The following GSDME variants were observed in gnomAD, a reference collection of about 807,000 sequenced individuals.
GSDME encodes gasdermin-E.
GSDME carries 44 observed loss-of-function variants against 47.5 expected under a neutral mutation model. The ratio of observed to expected loss-of-function variants is 0.93; its 90% CI spans 0.73 to 1.19. GSDME has a LOEUF of 1.19. GSDME is among the 50% of genes most tolerant of loss of function. The pLI is 0.00. For missense variants in GSDME, 663 were observed against 604.2 expected, an observed-to-expected ratio of 1.10 and a Z score of -1.02; for synonymous variants, 258 against 252.8, an observed-to-expected ratio of 1.02 and a Z score of -0.20.
Position 24,742,727 on chromosome 7 carries a change from A to G in GSDME, c.404+1835T>C, listed in dbSNP as rs950186943. ...GAGGGTTGGGTGAGACTGAGGGAGC[A>G]GAGAAGACGCTCTGGACACCCCCCG... On this transcript the variant is annotated intron_variant, in intron 3 of 9. Coordinates refer to ENST00000645220, the MANE Select transcript of GSDME (RefSeq NM_001127453.2). This position sits in a 1 kb window ranked among gnomAD's most constrained non-coding sequence, Gnocchi z 4.4. Among the ~76,000 whole-genome samples the G allele has an allele frequency of 6.6e-6, 1 of 152,212 alleles. No individual in the cohort carries two copies. The highest frequency in any genetic ancestry group is 1.5e-5 in the Non-Finnish European group (1 of 68,040).
chr7:24,751,491 A>G (rs1300998171), intron 1 of GSDME, among the ~76,000 whole-genome samples: 1 of 152,146 alleles, frequency 6.6e-6, no homozygotes, highest in Non-Finnish European at 1.5e-5. Flanking sequence ...ATGGGAAATC[A>G]TTTGTCTTAT....
Position 24,726,081 on chromosome 7 carries a change from T to C in GSDME, c.405-6863A>G, listed in dbSNP as rs530002151. Among the ~76,000 whole-genome samples, 103 of 152,240 alleles carry C rather than the reference T, an allele frequency of 6.8e-4. No individual in the cohort carries two copies. The South Asian group carries it at 0.011, about 17-fold the overall frequency. On this transcript the variant is annotated intron_variant, in intron 3 of 9. Coordinates refer to ENST00000645220, the MANE Select transcript of GSDME (RefSeq NM_001127453.2). The surrounding 1 kb of genome is among the most constrained non-coding windows in gnomAD (Gnocchi z 5.6). Reference sequence around the variant, plus strand: ...AAGCGTGGCTCAGAGCCCAGCGTGGTTGCTGGGGACCAGAGCAGCCCAGCA... The same window carrying C: ...AAGCGTGGCTCAGAGCCCAGCGTGGCTGCTGGGGACCAGAGCAGCCCAGCA...
At chr7:24,717,030 G>C in intron 5 of GSDME, 2 of 572,588 alleles carry the variant, frequency 3.5e-6, no homozygotes, top group East Asian at 6.3e-5. Context: ...ACCAATGTTG[G>C]AGGAGAGGGT....
chr7:24,736,910 A>G lies in GSDME; in HGVS notation c.404+7652T>C, dbSNP rs183158972. The stretch of plus-strand genomic sequence containing the variant: ...TGGAAATTAAACAACATGCTCCTGA[A>G]TGACCAGTGAGTCAATGACGACACT... On this transcript the variant is annotated intron_variant, in intron 3 of 9. Transcript: ENST00000645220. This position sits in a 1 kb window ranked among gnomAD's most constrained non-coding sequence, Gnocchi z 4.6. Among the ~76,000 whole-genome samples the G allele has an allele frequency of 1.3e-5, 2 of 152,354 alleles. No homozygotes were observed. The highest frequency in any genetic ancestry group is 3.9e-4 in the East Asian group (2 of 5,192).
Position 24,716,742 on chromosome 7 carries a change from G to A in GSDME, c.697+512C>T, listed in dbSNP as rs1021171995. The A allele has an allele frequency of 5.4e-6, 1 of 184,720 alleles. No individual in the cohort carries two copies. Among genetic ancestry groups the A allele is most frequent in the Admixed American group, 5.4e-5 (1 of 18,690 alleles). 11.4% of individuals were successfully genotyped at this position (184,720 alleles called of 1,614,324 possible). ...GTGGGGTAACAATAATGATGATAATGCTATTAATAGCAAAGGTGGAGGAAT... is the reference window on the plus strand; with the variant it reads ...GTGGGGTAACAATAATGATGATAATACTATTAATAGCAAAGGTGGAGGAAT... On this transcript the variant is annotated intron_variant, in intron 5 of 9. Transcript: ENST00000645220. The surrounding 1 kb of genome is among the most constrained non-coding windows in gnomAD (Gnocchi z 4.5).
At chr7:24,708,280 C>T in intron 6 of GSDME, 26 bp from the exon 7 acceptor site, 1 of 1,613,686 alleles carries the variant, frequency 6.2e-7, no homozygotes, top group South Asian at 1.1e-5. Flanking sequence ...ACACCCAAGT[C>T]TCATGACTGC....
intron 7 of GSDME, among the ~76,000 whole-genome samples, chr7:24,706,654 G>T (rs1789120238): frequency 6.6e-6 from 1 of 152,238 alleles, no homozygotes; most frequent in Non-Finnish European, 1.5e-5. Context: ...TAGTGCCAGG[G>T]ACCAGAAACA....
chr7:24,793,317 T>C, the GSDME span, among the ~76,000 whole-genome samples: 1 of 152,358 alleles, frequency 6.6e-6, no homozygotes, highest in Middle Eastern at 3.4e-3. Context: ...TACTTTAATG[T>C]CCAGTTCACA....
At chr7:24,791,341 C>T in the GSDME span, among the ~76,000 whole-genome samples, 2 of 152,202 alleles carry the variant, frequency 1.3e-5, no homozygotes, top group Non-Finnish European at 2.9e-5. The surrounding 1 kb of genome is among the most constrained non-coding windows in gnomAD (Gnocchi z 4.8). Context: ...GAGCTCTCCA[C>T]GTTTGGGCAT....
At chr7:24,761,317 A>C (rs148304366), upstream of GSDME, among the ~76,000 whole-genome samples, 38 of 152,354 alleles carry the variant, frequency 2.5e-4, no homozygotes, top group African/African-American at 8.9e-4. This position sits in a 1 kb window ranked among gnomAD's most constrained non-coding sequence, Gnocchi z 4.4. Flanking sequence ...AAACAACAGG[A>C]CTTTATTTCT....
the GSDME span, among the ~76,000 whole-genome samples, chr7:24,768,104 C>A: frequency 3.4e-3 from 524 of 152,264 alleles, 6 homozygotes; most frequent in African/African-American, 0.011. This position sits in a 1 kb window ranked among gnomAD's most constrained non-coding sequence, Gnocchi z 5.6. Context: ...CAGCACAGTC[C>A]CTCTACTTCT....
At chr7:24,748,521 A>G (rs1790751951) in intron 2 of GSDME, among the ~76,000 whole-genome samples, 1 of 152,188 alleles carries the variant, frequency 6.6e-6, no homozygotes, top group African/African-American at 2.4e-5. Flanking sequence ...CTACAAACCA[A>G]GTGTCAACGG....
intron 8 of GSDME, chr7:24,704,272 AG>A (rs1427070161): frequency 2.0e-5 from 3 of 152,226 alleles, no homozygotes; most frequent in African/African-American, 7.2e-5. Context: ...GAGTCCAAGG[AG>A]TTGAGACCTT....
chr7:24,777,211 A>C, the GSDME span, among the ~76,000 whole-genome samples: 8 of 152,314 alleles, frequency 5.3e-5, no homozygotes, highest in Non-Finnish European at 1.0e-4. Context: ...AAATGGGAGA[A>C]GTATTTTAAT....
Position 24,744,792 on chromosome 7 carries a change from A to C in GSDME, c.212-38T>G. ...AGACGAGCAGAGGAAGCCGATGATG[A>C]TAAGGCCACCAAGATGTCTTGGGTC... On this transcript the variant is annotated intron_variant, in intron 2 of 9. Transcript: ENST00000645220. This position sits in a 1 kb window ranked among gnomAD's most constrained non-coding sequence, Gnocchi z 4.5. 8.1e-6 allele frequency: 13 copies of C among 1,608,628 alleles called. No individual in the cohort carries two copies. The highest frequency in any genetic ancestry group is 1.1e-5 in the Non-Finnish European group (13 of 1,176,146).
Position 24,721,901 on chromosome 7 carries a change from C to T in GSDME, c.405-2683G>A, listed in dbSNP as rs1789803105. Among the ~76,000 whole-genome samples the T allele has an allele frequency of 6.6e-6, 1 of 152,170 alleles. No individual in the cohort carries two copies. The highest frequency in any genetic ancestry group is 1.5e-5 in the Non-Finnish European group (1 of 68,034). ...TGCCAGGTGTGTGCCTACCCCGAGG[C>T]GTTGGCACACATTCCCTGATGGCCA... On this transcript the variant is annotated intron_variant, in intron 3 of 9. Transcript: ENST00000645220. The surrounding 1 kb of genome is among the most constrained non-coding windows in gnomAD (Gnocchi z 4.1).
the GSDME span, among the ~76,000 whole-genome samples, chr7:24,780,283 C>A: frequency 7.6e-3 from 1,156 of 152,262 alleles, 21 homozygotes; most frequent in African/African-American, 0.026. The surrounding 1 kb of genome is among the most constrained non-coding windows in gnomAD (Gnocchi z 4.1). Context: ...TTGATACACC[C>A]TAGCCAAAGG....
rs1024762415 is a variant in GSDME at position 24,706,339 on chromosome 7, G to A, written c.1028C>T (p.Ala343Val). 1.4e-5 allele frequency: 23 copies of A among 1,613,156 alleles called. No individual in the cohort carries two copies. Among genetic ancestry groups the A allele is most frequent in the African/African-American group, 6.7e-5 (5 of 74,908 alleles). Residue 343 changes from alanine to valine, a missense_variant, in exon 8 of 10, where the codon GCG (alanine) becomes GTG (valine). Coordinates refer to ENST00000645220, the MANE Select transcript of GSDME (RefSeq NM_001127453.2). Reference protein sequence around the residue: ...DLVSGLSPTVAVLGELKPRQQ... With the variant: ...DLVSGLSPTVVVLGELKPRQQ... Reference sequence around the variant, plus strand: ...CCGGGGCTTCAGCTCCCCCAGCACCGCCACTGTGGGCGAGAGGCCGCTGAC... The same window carrying A: ...CCGGGGCTTCAGCTCCCCCAGCACCACCACTGTGGGCGAGAGGCCGCTGAC...
upstream of GSDME, among the ~76,000 whole-genome samples, chr7:24,761,679 G>T (rs1791167856): frequency 6.6e-6 from 1 of 152,228 alleles, no homozygotes; most frequent in South Asian, 2.1e-4. The surrounding 1 kb of genome is among the most constrained non-coding windows in gnomAD (Gnocchi z 4.4). Flanking sequence ...GAACTTGAGG[G>T]TTATCAACCA....
Sources: gnomAD v4.1 joint callset for allele counts (sites outside exome capture counted in the v4.1 genomes callset) on GRCh38, gnomAD v4.1.1 for gene constraint, Gnocchi (gnomAD v3.1) non-coding constraint, MANE v1.5 for transcripts, NCBI Gene and HGNC (gene_info 2026-07-23, HGNC 2026-07-21) for gene names.